The following SUCLG2 variants were observed in gnomAD, a reference collection of about 807,000 sequenced individuals.
SUCLG2 encodes succinate--CoA ligase [GDP-forming] subunit beta, mitochondrial.
SUCLG2 carries 42 observed loss-of-function variants against 47.9 expected under a neutral mutation model. The ratio of observed to expected loss-of-function variants is 0.88; its 90% CI spans 0.69 to 1.14. The LOEUF (loss-of-function observed/expected upper bound fraction) is 1.14. Among genes scored for constraint, SUCLG2 ranks in the 50% most tolerant of loss-of-function variants. The probability of loss-of-function intolerance (pLI) is 0.00; values close to 1 mark genes in which losing one functional copy is unlikely to be tolerated. For missense variants in SUCLG2, 571 were observed against 525.9 expected, an observed-to-expected ratio of 1.09 and a Z score of -0.84; for synonymous variants, 195 against 197.3, an observed-to-expected ratio of 0.99 and a Z score of 0.10.
chr3:67,478,828 T>C (rs1704836145), intron 9 of SUCLG2, among the ~76,000 whole-genome samples: 1 of 152,222 alleles, frequency 6.6e-6, no homozygotes, highest in Non-Finnish European at 1.5e-5. Flanking sequence ...CGTCTCACCA[T>C]ACTACTGGGA....
chr3:67,514,527 A>G (rs1705888294), intron 6 of SUCLG2, among the ~76,000 whole-genome samples: 2 of 152,198 alleles, frequency 1.3e-5, no homozygotes, highest in African/African-American at 4.8e-5. Flanking sequence ...GGACCATCCG[A>G]TCTTTTCATC....
At chr3:67,369,996 CTTT>C (rs1411453927), downstream of SUCLG2, among the ~76,000 whole-genome samples, 2 of 152,014 alleles carry the variant, frequency 1.3e-5, no homozygotes, top group Non-Finnish European at 2.9e-5. Context: ...AATATTAATA[CTTT>C]TATTTTTAAT....
chr3:67,482,990 A>T (rs1245939977), intron 9 of SUCLG2, among the ~76,000 whole-genome samples: 1 of 152,202 alleles, frequency 6.6e-6, no homozygotes, highest in Non-Finnish European at 1.5e-5. Flanking sequence ...AAAAACCCAC[A>T]GATAAGCTGG....
chr3:67,428,763 G>C (rs1703378133), intron 9 of SUCLG2, among the ~76,000 whole-genome samples: 1 of 152,178 alleles, frequency 6.6e-6, no homozygotes, highest in Non-Finnish European at 1.5e-5. Context: ...TAAATGACCT[G>C]ATGGAGCTGA....
intron 1 of SUCLG2, among the ~76,000 whole-genome samples, chr3:67,610,472 C>G (rs1255419169): frequency 6.6e-6 from 1 of 151,654 alleles, no homozygotes; most frequent in Non-Finnish European, 1.5e-5. Context: ...CAACAGTATT[C>G]CCTACCAAAT....
chr3:67,406,098 C>A (rs76260039), intron 9 of SUCLG2, among the ~76,000 whole-genome samples: 3,138 of 152,216 alleles, frequency 0.021, 98 homozygotes, highest in African/African-American at 0.071. Context: ...TTACCTACCC[C>A]CCTTTCGCAG....
chr3:67,446,620 G>T lies in SUCLG2; in HGVS notation c.1063-45769C>A, dbSNP rs572962836. Among the ~76,000 whole-genome samples the T allele has an allele frequency of 1.9e-3, 287 of 149,842 alleles. 1 individual carries two copies. Among genetic ancestry groups the T allele is most frequent in the Admixed American group, 2.9e-3 (44 of 15,042 alleles). ...AATTTCTTTTTTTTTTTTTAGTAGA[G>T]ATGGGATTTCACCATATTGGCCAGG... is the stretch of plus-strand genomic sequence containing the variant. On this transcript the variant is annotated intron_variant, in intron 9 of 10. Coordinates refer to ENST00000307227, the MANE Select transcript of SUCLG2 (RefSeq NM_003848.4).
intron 9 of SUCLG2, among the ~76,000 whole-genome samples, chr3:67,407,506 T>G (rs1702841630): frequency 6.6e-6 from 1 of 152,220 alleles, no homozygotes; most frequent in South Asian, 2.1e-4. Flanking sequence ...GTTTTGTTCT[T>G]TTTTCCTCCC....
chr3:67,378,646 C>G (rs1434347995), intron 10 of SUCLG2, among the ~76,000 whole-genome samples: 1 of 152,208 alleles, frequency 6.6e-6, no homozygotes, highest in Non-Finnish European at 1.5e-5. Context: ...AAGCCACACC[C>G]AGATTCCTGA....
intron 2 of SUCLG2, among the ~76,000 whole-genome samples, chr3:67,570,072 G>C (rs1226313203): frequency 6.6e-6 from 1 of 152,140 alleles, no homozygotes; most frequent in Non-Finnish European, 1.5e-5. Context: ...TATAAGAAGT[G>C]GGAGAGACAT....
chr3:67,404,575 C>T (rs185204993), intron 9 of SUCLG2, among the ~76,000 whole-genome samples: 174 of 152,144 alleles, frequency 1.1e-3, no homozygotes, highest in East Asian at 7.7e-4. Flanking sequence ...TTAGGACACA[C>T]GATACACCAC....
intron 1 of SUCLG2, among the ~76,000 whole-genome samples, chr3:67,642,901 T>C (rs184354040): frequency 1.4e-3 from 202 of 148,202 alleles, no homozygotes; most frequent in East Asian, 1.2e-3. Flanking sequence ...TACAGGCAAG[T>C]CCAACAGAAA....
At chr3:67,505,659 T>C (rs1472763300) in intron 7 of SUCLG2, among the ~76,000 whole-genome samples, 1 of 152,094 alleles carries the variant, frequency 6.6e-6, no homozygotes, top group African/African-American at 2.4e-5. Flanking sequence ...AAAAAAAGTT[T>C]CCTACAAAGA....
At chr3:67,541,515 G>A (rs989423532) in intron 2 of SUCLG2, among the ~76,000 whole-genome samples, 9 of 152,172 alleles carry the variant, frequency 5.9e-5, no homozygotes, top group African/African-American at 2.2e-4. Context: ...ATGGGACTAC[G>A]TAAAAAGACC....
intron 7 of SUCLG2, among the ~76,000 whole-genome samples, chr3:67,501,440 G>A (rs1049186220): frequency 4.6e-5 from 7 of 152,092 alleles, no homozygotes; most frequent in African/African-American, 1.7e-4. Flanking sequence ...TCCTAGCATA[G>A]AGCTCTAAAA....
chr3:67,587,691 T>C (rs1187800754), intron 2 of SUCLG2, among the ~76,000 whole-genome samples: 2 of 152,096 alleles, frequency 1.3e-5, no homozygotes, highest in Admixed American at 1.3e-4. Flanking sequence ...AAAAAATAAG[T>C]TTTTTAATTG....
chr3:67,640,416 C>T (rs1056514011), intron 1 of SUCLG2, among the ~76,000 whole-genome samples: 2 of 152,116 alleles, frequency 1.3e-5, no homozygotes, highest in African/African-American at 4.8e-5. Flanking sequence ...GATCAGTGGG[C>T]CAGAAACAGG....
At chr3:67,534,798 A>AAAAAAAAAG (rs1706496910) in intron 2 of SUCLG2, among the ~76,000 whole-genome samples, 1 of 145,992 alleles carries the variant, frequency 6.8e-6, no homozygotes, top group African/African-American at 2.6e-5. Context: ...AAAAAAAAAA[A>AAAAAAAAAG]AATGCCCATG....
At chr3:67,461,081 C>T (rs1228723855) in intron 9 of SUCLG2, among the ~76,000 whole-genome samples, 1 of 152,170 alleles carries the variant, frequency 6.6e-6, no homozygotes, top group African/African-American at 2.4e-5. Flanking sequence ...GAAAGACATT[C>T]CAATTACATG....
Sources: gnomAD v4.1 joint callset for allele counts (sites outside exome capture counted in the v4.1 genomes callset) on GRCh38, gnomAD v4.1.1 for gene constraint, MANE v1.5 for transcripts, NCBI Gene and HGNC (gene_info 2026-07-23, HGNC 2026-07-21) for gene names.